Variants in NEO1 observed in about 807,000 individuals in gnomAD.
NEO1 encodes the protein neogenin 1.
Under a neutral mutation model 159.7 loss-of-function variants are expected in NEO1, and 63 were observed. That is an observed-to-expected ratio of 0.39 (90% confidence interval 0.32 to 0.49). The LOEUF is 0.49. Among genes scored for constraint, NEO1 ranks in the 20% least tolerant of loss-of-function variants. The probability of loss-of-function intolerance (pLI) is 0.85; values close to 1 mark genes in which losing one functional copy is unlikely to be tolerated. For synonymous variants in NEO1, 633 were observed against 662.0 expected (o/e 0.96, Z 0.67); for missense variants, 1,615 against 1,831.0 (o/e 0.88, Z 2.15).
chr15:73,289,042 G>A, intron 24 of NEO1, 104 bp from the exon 25 acceptor site: 1 of 796,826 alleles, frequency 1.3e-6, no homozygotes, highest in South Asian at 1.5e-5. Context: ...TCCCCATTAT[G>A]CTGTTTGTGA....
intron 5 of NEO1, among the ~76,000 whole-genome samples, chr15:73,156,476 A>G (rs901848635): frequency 6.6e-6 from 1 of 152,144 alleles, no homozygotes; most frequent in Non-Finnish European, 1.5e-5. Context: ...GTAGAGGTAG[A>G]CCATGCAGGT....
chr15:73,157,855 A>G (rs1458158499), intron 5 of NEO1, among the ~76,000 whole-genome samples: 1 of 27,310 alleles, frequency 3.7e-5, no homozygotes, highest in African/African-American at 6.6e-5. Context: ...TCCTACATCA[A>G]TACTAATACT....
chr15:73,101,658 G>C (rs1324617935), intron 1 of NEO1, among the ~76,000 whole-genome samples: 4 of 152,152 alleles, frequency 2.6e-5, no homozygotes, highest in African/African-American at 9.7e-5. Context: ...TCATAGTCCT[G>C]TGCTGTCTAT....
chr15:73,293,191 A>G (rs1278224983), intron 25 of NEO1, among the ~76,000 whole-genome samples, 199 bp from the exon 26 acceptor site: 2 of 152,224 alleles, frequency 1.3e-5, no homozygotes, highest in Non-Finnish European at 2.9e-5. Context: ...AGACATATGC[A>G]AAAGAGTATC....
chr15:73,255,142 A>G (rs1459932709), intron 13 of NEO1, among the ~76,000 whole-genome samples: 1 of 152,226 alleles, frequency 6.6e-6, no homozygotes, highest in African/African-American at 2.4e-5. Context: ...AGAAAGTTAT[A>G]TAAGCATAGA....
At chr15:73,083,593 G>T (rs1567156495) in intron 1 of NEO1, among the ~76,000 whole-genome samples, 1 of 151,892 alleles carries the variant, frequency 6.6e-6, no homozygotes, top group Non-Finnish European at 1.5e-5. Flanking sequence ...CATTTCCCTT[G>T]TCTCCTTAGG....
intron 1 of NEO1, among the ~76,000 whole-genome samples, chr15:73,114,307 C>T (rs1041982509): frequency 1.1e-4 from 16 of 152,084 alleles, no homozygotes; most frequent in African/African-American, 2.7e-4. Flanking sequence ...TGGTGACTGA[C>T]GTGGCAGTCG....
intron 1 of NEO1, among the ~76,000 whole-genome samples, chr15:73,060,720 T>G (rs2067934032): frequency 1.3e-5 from 2 of 151,748 alleles, no homozygotes; most frequent in Admixed American, 1.3e-4. Context: ...TGATCACAGC[T>G]TACTGCAGCC....
In NEO1 at chr15:73,094,987, G is replaced by T. The variant is rs1029726209; in HGVS notation, c.131-21553G>T. On this transcript the variant is annotated intron_variant, in intron 1 of 28. Transcript: ENST00000261908. ...GCACTTTGGGAGGCTGAGGCGGGCG[G>T]ATCACGAGGTCAAGAGATTGAGACC... 2.0e-5 allele frequency among the ~76,000 whole-genome samples: 3 copies of T among 152,112 alleles called. No homozygotes were observed. The South Asian group carries it at 6.2e-4, about 31-fold the overall frequency.
At chr15:73,238,029 TC>T (rs2150867414) in intron 8 of NEO1, among the ~76,000 whole-genome samples, 1 of 152,252 alleles carries the variant, frequency 6.6e-6, no homozygotes, top group African/African-American at 2.4e-5. Flanking sequence ...TCGGTGACTG[TC>T]ACACAGTGGG....
chr15:73,245,273 T>G (rs2039726719), intron 9 of NEO1, among the ~76,000 whole-genome samples: 1 of 152,204 alleles, frequency 6.6e-6, no homozygotes, highest in African/African-American at 2.4e-5. Context: ...TGTTCTTAAC[T>G]GGATTGTCTG....
chr15:73,108,698 G>A (rs539861996), intron 1 of NEO1, among the ~76,000 whole-genome samples: 25 of 152,320 alleles, frequency 1.6e-4, no homozygotes, highest in African/African-American at 5.8e-4. Context: ...TACACATAGC[G>A]TAGAAGGATA....
intron 11 of NEO1, among the ~76,000 whole-genome samples, chr15:73,252,692 G>A (rs1407402824): frequency 2.6e-5 from 4 of 152,100 alleles, no homozygotes; most frequent in Admixed American, 6.6e-5. Context: ...TGTCTGCCAA[G>A]ATAAAGATAG....
chr15:73,086,434 T>C (rs1202513877), intron 1 of NEO1, among the ~76,000 whole-genome samples: 2 of 152,204 alleles, frequency 1.3e-5, no homozygotes, highest in Non-Finnish European at 2.9e-5. Context: ...CCTGTAAGTT[T>C]GTCAGTTTAT....
At chr15:73,165,263 A>C (rs950969761) in intron 5 of NEO1, among the ~76,000 whole-genome samples, 1 of 152,154 alleles carries the variant, frequency 6.6e-6, no homozygotes, top group Non-Finnish European at 1.5e-5. Context: ...TTTCTCTCTA[A>C]GGAGGGTACT....
intron 1 of NEO1, among the ~76,000 whole-genome samples, chr15:73,069,701 T>C (rs959382801): frequency 5.3e-5 from 8 of 152,076 alleles, no homozygotes; most frequent in African/African-American, 1.9e-4. Flanking sequence ...CACGCACATA[T>C]AATAGATATA....
At chr15:73,056,887 G>A (rs1201347890) in intron 1 of NEO1, among the ~76,000 whole-genome samples, 4 of 152,142 alleles carry the variant, frequency 2.6e-5, no homozygotes, top group Non-Finnish European at 5.9e-5. Flanking sequence ...CTGCCTGTCT[G>A]TTAGAATGAG....
chr15:73,066,660 G>GA (rs1186707655), intron 1 of NEO1, among the ~76,000 whole-genome samples: 1 of 152,162 alleles, frequency 6.6e-6, no homozygotes, highest in Non-Finnish European at 1.5e-5. Context: ...TAGACTCTAT[G>GA]AGTTGAAATA....
chr15:73,136,548 A>G (rs540263587), intron 5 of NEO1, among the ~76,000 whole-genome samples: 1 of 152,188 alleles, frequency 6.6e-6, no homozygotes, highest in Admixed American at 6.5e-5. Flanking sequence ...TGAACAGATC[A>G]CCCAGGAAGG....
Sources: allele counts gnomAD v4.1 joint callset (sites outside exome capture counted in the v4.1 genomes callset), GRCh38; gene constraint gnomAD v4.1.1; transcripts MANE v1.5; gene names NCBI Gene and HGNC (gene_info 2026-07-23, HGNC 2026-07-21).